The following CRK variants were observed in gnomAD, a reference collection of about 807,000 sequenced individuals.
CRK encodes the protein CRK proto-oncogene, adaptor protein, also known as adapter molecule crk.
In CRK, 4 loss-of-function variants were observed where a neutral mutation model predicts 29.8. That is an observed-to-expected ratio of 0.13 (90% CI 0.07 to 0.31). The LOEUF is 0.31. Ranked by LOEUF, CRK falls within the 10% of genes least tolerant of loss-of-function variation. The probability of loss-of-function intolerance (pLI) is 1.00; values close to 1 mark genes in which losing one functional copy is unlikely to be tolerated. For synonymous variants in CRK, 153 were observed against 164.9 expected (o/e 0.93, Z 0.55); for missense variants, 274 against 396.5 (o/e 0.69, Z 2.62).
intron 1 of CRK, among the ~76,000 whole-genome samples, chr17:1,440,932 T>A (rs2073930438): frequency 6.6e-6 from 1 of 152,156 alleles, no homozygotes. Flanking sequence ...ATGAGTTTTG[T>A]GAGTTTTTGG....
chr17:1,424,469 A>C (rs1008995346), intron 2 of CRK: 1 of 152,282 alleles, frequency 6.6e-6, no homozygotes, highest in Admixed American at 6.6e-5. Context: ...CATGGCAAGC[A>C]TAGGTCACTT....
chr17:1,445,644 C>T (rs936451453), intron 1 of CRK, among the ~76,000 whole-genome samples: 7 of 152,158 alleles, frequency 4.6e-5, no homozygotes, highest in African/African-American at 1.7e-4. Context: ...CCTTGCCTAT[C>T]ACCATTAGGC....
chr17:1,430,336 CTGT>C (rs1321256336), intron 2 of CRK, among the ~76,000 whole-genome samples: 7 of 151,288 alleles, frequency 4.6e-5, no homozygotes, highest in South Asian at 2.1e-4. Context: ...GCGTGAACCA[CTGT>C]ACCTGGGCTC....
intron 1 of CRK, among the ~76,000 whole-genome samples, chr17:1,455,081 T>C (rs191550583): frequency 1.1e-3 from 172 of 152,302 alleles, no homozygotes; most frequent in African/African-American, 3.9e-3. Context: ...AGGGTCTGTT[T>C]CCATTGCCTC....
intron 1 of CRK, among the ~76,000 whole-genome samples, chr17:1,443,920 T>C (rs1408536814): frequency 1.3e-5 from 2 of 151,176 alleles, no homozygotes; most frequent in Non-Finnish European, 2.9e-5. Context: ...CAGGCTGGTC[T>C]TGAACTCCTG....
chr17:1,437,359 A>T (rs1231031284), intron 1 of CRK, among the ~76,000 whole-genome samples: 1 of 151,868 alleles, frequency 6.6e-6, no homozygotes, highest in Non-Finnish European at 1.5e-5. Flanking sequence ...GCCGAAATGG[A>T]GCTTTCATGC....
At chr17:1,454,714 C>T (rs1036675950) in intron 1 of CRK, among the ~76,000 whole-genome samples, 1 of 152,198 alleles carries the variant, frequency 6.6e-6, no homozygotes, top group Non-Finnish European at 1.5e-5. Flanking sequence ...ACTGCTTCGA[C>T]TTGGCAACAG....
chr17:1,437,249 A>G, intron 1 of CRK, 94 bp from the exon 2 acceptor site: 1 of 1,350,100 alleles, frequency 7.4e-7, no homozygotes, highest in Non-Finnish European at 9.9e-7. Context: ...TTGGGATCTC[A>G]CTATGTTACC....
chr17:1,436,351 T>C (rs2073886295), intron 2 of CRK, among the ~76,000 whole-genome samples: 1 of 152,188 alleles, frequency 6.6e-6, no homozygotes, highest in Non-Finnish European at 1.5e-5. Flanking sequence ...GGTTAATTCC[T>C]GTGAATTCAG....
rs1457546248 is a variant in CRK at position 1,421,995 on chromosome 17, A to C, written c.*1518T>G. 8 of 152,168 alleles carry C rather than the reference A, an allele frequency of 5.3e-5. No individual in the cohort carries two copies. Among genetic ancestry groups the C allele is most frequent in the Non-Finnish European group, 1.2e-4 (8 of 68,018 alleles). 9.4% of individuals were successfully genotyped at this position (152,168 alleles called of 1,614,324 possible). ...TTGTGGAGCACCTGACCCCATATAA[A>C]TCATTCCATACTTAAATGGGTTTGT... On this transcript the variant is annotated 3_prime_UTR_variant, in exon 3 of 3. Transcript: ENST00000300574.
In CRK at chr17:1,423,328, T is replaced by G; in HGVS notation, c.*185A>C. 1.3e-6 allele frequency: 1 copy of G among 752,088 alleles called. No homozygotes were observed. Among genetic ancestry groups the G allele is most frequent in the Admixed American group, 3.1e-5 (1 of 31,808 alleles). 46.6% of individuals were successfully genotyped at this position (752,088 alleles called of 1,614,324 possible). A position where few individuals can be genotyped will look rare whatever the true frequency, so the allele number is the denominator to read the frequency against. The stretch of plus-strand genomic sequence containing the variant: ...AGAAGCTAACACACAAGCCCTCCAG[T>G]TCGTACCCTGAATATGGTAATTAAG... On this transcript the variant is annotated 3_prime_UTR_variant, in exon 3 of 3. Coordinates refer to ENST00000300574, the MANE Select transcript of CRK (RefSeq NM_016823.4).
At chr17:1,434,740 G>C (rs1384661282) in intron 2 of CRK, among the ~76,000 whole-genome samples, 1 of 140,662 alleles carries the variant, frequency 7.1e-6, no homozygotes, top group African/African-American at 2.7e-5. Flanking sequence ...CCGAGATCGT[G>C]CCATTGCACC....
chr17:1,449,515 G>A (rs1007286602), intron 1 of CRK, among the ~76,000 whole-genome samples: 19 of 152,042 alleles, frequency 1.2e-4, no homozygotes, highest in Non-Finnish European at 2.6e-4. Flanking sequence ...TCACAGATGA[G>A]GAAACTGAAG....
At chr17:1,444,215 C>T (rs1385713880) in intron 1 of CRK, among the ~76,000 whole-genome samples, 1 of 152,046 alleles carries the variant, frequency 6.6e-6, no homozygotes, top group Admixed American at 6.6e-5. Context: ...CACACTGTGG[C>T]CTTGTACTCC....
At chr17:1,428,991 G>A (rs1483355730) in intron 2 of CRK, among the ~76,000 whole-genome samples, 3 of 151,330 alleles carry the variant, frequency 2.0e-5, no homozygotes, top group East Asian at 3.9e-4. Flanking sequence ...GATTACTGGC[G>A]CACGCCACCA....
chr17:1,451,159 C>T (rs1164674270), intron 1 of CRK, among the ~76,000 whole-genome samples: 6 of 132,474 alleles, frequency 4.5e-5, no homozygotes, highest in Admixed American at 2.6e-4. Flanking sequence ...TGCCACTATA[C>T]TCCAGCCTCG....
rs934622580 is a variant in CRK at position 1,423,458 on chromosome 17, TG to T, written c.*54del. ...GTAAGAAAATTGTATAGATGGCAGT[TG>T]GAAAAAAAAAAAAAAGATTGTTCCC... On this transcript the variant is annotated 3_prime_UTR_variant, in exon 3 of 3. Transcript: ENST00000300574. 16 of 1,526,426 alleles carry T rather than the reference TG, an allele frequency of 1.0e-5. No individual in the cohort carries two copies. The highest frequency in any genetic ancestry group is 1.4e-5 in the Non-Finnish European group (16 of 1,121,568). 94.6% of individuals were successfully genotyped at this position (1,526,426 alleles called of 1,614,324 possible). A position where few individuals can be genotyped will look rare whatever the true frequency, so the allele number is the denominator to read the frequency against.
intron 1 of CRK, among the ~76,000 whole-genome samples, chr17:1,443,460 A>G (rs2073950504): frequency 1.3e-5 from 2 of 152,122 alleles, no homozygotes; most frequent in African/African-American, 4.8e-5. Flanking sequence ...CAGTGGTGCA[A>G]TCTTGGCTCA....
At chr17:1,427,288 C>CAA (rs761351379) in intron 2 of CRK, among the ~76,000 whole-genome samples, 13 of 79,018 alleles carry the variant, frequency 1.6e-4, no homozygotes, top group East Asian at 1.1e-3. Context: ...ATTCTGTCTC[C>CAA]AAAAAAAAAA....
Sources: allele counts gnomAD v4.1 joint callset (sites outside exome capture counted in the v4.1 genomes callset), GRCh38; gene constraint gnomAD v4.1.1; transcripts MANE v1.5; gene names NCBI Gene and HGNC (gene_info 2026-07-23, HGNC 2026-07-21).